TENM2: variants seen among roughly 807,000 people sequenced by gnomAD.
The protein encoded by TENM2 is teneurin transmembrane protein 2, also known as teneurin-2.
Under a neutral mutation model 245.2 loss-of-function variants are expected in TENM2, and 52 were observed. The ratio of observed to expected loss-of-function variants is 0.21; its 90% confidence interval spans 0.17 to 0.27. The LOEUF (loss-of-function observed/expected upper bound fraction) is 0.27. Among genes scored for constraint, TENM2 ranks in the 10% least tolerant of loss-of-function variants. The pLI is 1.00. For missense variants in TENM2, 3,046 were observed against 3,666.8 expected (o/e 0.83, Z 4.37); for synonymous variants, 1,363 against 1,438.9 (o/e 0.95, Z 1.19).
intron 7 of TENM2, among the ~76,000 whole-genome samples, chr5:168,066,704 A>G (rs1371925493): frequency 6.6e-6 from 1 of 152,182 alleles, no homozygotes; most frequent in Non-Finnish European, 1.5e-5. Context: ...CAGAAAAAAA[A>G]AGTCAATCTG....
At chr5:167,278,377 G>A in the TENM2 span, among the ~76,000 whole-genome samples, 1 of 152,080 alleles carries the variant, frequency 6.6e-6, no homozygotes, top group African/African-American at 2.4e-5. Flanking sequence ...CACTTTGCCA[G>A]TCTTTGTCTT....
chr5:167,526,508 G>A (rs527895560), intron 2 of TENM2, among the ~76,000 whole-genome samples: 16 of 151,660 alleles, frequency 1.1e-4, no homozygotes, highest in African/African-American at 3.9e-4. Flanking sequence ...TTGTATAATC[G>A]GGAAACAATA....
chr5:168,104,722 T>A (rs1351759918), intron 9 of TENM2, among the ~76,000 whole-genome samples: 1 of 152,094 alleles, frequency 6.6e-6, no homozygotes, highest in Non-Finnish European at 1.5e-5. Context: ...TCAGTCAGCA[T>A]GCGTTTGCAA....
intron 2 of TENM2, among the ~76,000 whole-genome samples, chr5:167,649,545 T>A (rs1303139749): frequency 6.6e-6 from 1 of 152,108 alleles, no homozygotes; most frequent in Non-Finnish European, 1.5e-5. Context: ...ACAGAAGTCT[T>A]TTGAGACTGT....
At chr5:167,684,799 C>T (rs777935800) in intron 2 of TENM2, among the ~76,000 whole-genome samples, 3 of 152,174 alleles carry the variant, frequency 2.0e-5, no homozygotes, top group Non-Finnish European at 4.4e-5. Flanking sequence ...TTCACATGCA[C>T]TATCTCAGTT....
At chr5:167,902,983 A>G (rs1417154085) in intron 3 of TENM2, among the ~76,000 whole-genome samples, 4 of 152,218 alleles carry the variant, frequency 2.6e-5, no homozygotes, top group Non-Finnish European at 4.4e-5. Flanking sequence ...AAGTAAATCT[A>G]CCATAAATGA....
intron 2 of TENM2, among the ~76,000 whole-genome samples, chr5:167,669,410 G>A (rs1368818282): frequency 6.6e-6 from 1 of 152,174 alleles, no homozygotes; most frequent in Non-Finnish European, 1.5e-5. Context: ...AAGAAAAGCA[G>A]CATTTAAGAG....
In TENM2 at chr5:168,117,072, C is replaced by T. The variant is rs191688347; in HGVS notation, c.1814-1220C>T. 3.8e-3 allele frequency among the ~76,000 whole-genome samples: 575 copies of T among 152,178 alleles called. 4 individuals are homozygous for T. The highest frequency in any genetic ancestry group is 0.013 in the African/African-American group (545 of 41,510). ...GAGAAGTCCAAGACCTGAAGGAGAC[C>T]GACCACTGAAATCCCATTCTTGATG... is the stretch of plus-strand genomic sequence containing the variant. On this transcript the variant is annotated intron_variant, in intron 9 of 28. Transcript: ENST00000518659.
At chr5:167,560,916 G>A (rs1221120706) in intron 2 of TENM2, among the ~76,000 whole-genome samples, 1 of 107,104 alleles carries the variant, frequency 9.3e-6, no homozygotes, top group Non-Finnish European at 2.4e-5. Context: ...TGGGGAGAAG[G>A]TGGGCTGTGT....
At chr5:168,077,603 G>A (rs778997432) in intron 7 of TENM2, among the ~76,000 whole-genome samples, 2 of 152,068 alleles carry the variant, frequency 1.3e-5, no homozygotes, top group East Asian at 1.9e-4. Context: ...ACAGGCCCCG[G>A]TATGTGATGT....
chr5:167,564,480 G>C (rs1353372516), intron 2 of TENM2, among the ~76,000 whole-genome samples: 1 of 152,172 alleles, frequency 6.6e-6, no homozygotes, highest in African/African-American at 2.4e-5. Context: ...GGAGGAGTAA[G>C]ATTATCTGGC....
At chr5:167,744,450 T>C (rs1761416552) in intron 2 of TENM2, among the ~76,000 whole-genome samples, 1 of 152,162 alleles carries the variant, frequency 6.6e-6, no homozygotes, top group South Asian at 2.1e-4. Context: ...TCTTCAGAAC[T>C]GCAGTGAGAG....
At chr5:167,153,493 CAGG>C in the TENM2 span, among the ~76,000 whole-genome samples, 1 of 151,826 alleles carries the variant, frequency 6.6e-6, no homozygotes, top group African/African-American at 2.4e-5. Context: ...CTTGCTGTCT[CAGG>C]GGTGGAAGAG....
chr5:167,347,233 T>C (rs557287983), intron 1 of TENM2, among the ~76,000 whole-genome samples: 3 of 152,298 alleles, frequency 2.0e-5, no homozygotes, highest in East Asian at 3.9e-4. Flanking sequence ...GATAATATCT[T>C]GATCATCCAA....
the TENM2 span, among the ~76,000 whole-genome samples, chr5:167,232,914 A>G: frequency 1.3e-5 from 2 of 152,206 alleles, no homozygotes; most frequent in Non-Finnish European, 2.9e-5. Context: ...CCAAAAACAT[A>G]TGTTAAAACC....
At chr5:167,807,062 T>C (rs917720471) in intron 2 of TENM2, among the ~76,000 whole-genome samples, 1 of 132,578 alleles carries the variant, frequency 7.5e-6, no homozygotes, top group Non-Finnish European at 1.5e-5. Flanking sequence ...TACTGCATGG[T>C]CCAAAGCCCC....
the TENM2 span, among the ~76,000 whole-genome samples, chr5:166,986,389 T>C: frequency 6.6e-6 from 1 of 152,186 alleles, no homozygotes; most frequent in East Asian, 1.9e-4. Flanking sequence ...CAGCTTATTT[T>C]GTATTTTTTT....
At chr5:168,096,006 C>T (rs1023004753) in intron 8 of TENM2, among the ~76,000 whole-genome samples, 14 of 152,308 alleles carry the variant, frequency 9.2e-5, no homozygotes, top group African/African-American at 3.4e-4. Flanking sequence ...AAATCCTGAG[C>T]TTACTGAACC....
chr5:167,265,795 T>A, the TENM2 span, among the ~76,000 whole-genome samples: 2 of 152,320 alleles, frequency 1.3e-5, no homozygotes, highest in African/African-American at 4.8e-5. Flanking sequence ...CGGTTCCAGC[T>A]ACCAGAAGAC....
Sources: gnomAD v4.1 joint callset for allele counts (sites outside exome capture counted in the v4.1 genomes callset) on GRCh38, gnomAD v4.1.1 for gene constraint, MANE v1.5 for transcripts, NCBI Gene and HGNC (gene_info 2026-07-23, HGNC 2026-07-21) for gene names.